The following ZNF490 variants were observed in gnomAD, a reference collection of about 807,000 sequenced individuals.
The protein encoded by ZNF490 is zinc finger protein 490.
In ZNF490, 11 loss-of-function variants were observed where a neutral mutation model predicts 17.7. The ratio of observed to expected loss-of-function variants is 0.62; its 90% CI spans 0.39 to 1.03. ZNF490 has a LOEUF of 1.03. Among genes scored for constraint, ZNF490 ranks in the 50% least tolerant of loss-of-function variants. ZNF490 has a pLI of 0.00. For missense variants in ZNF490, 542 were observed against 643.4 expected (o/e 0.84, Z 1.71); for synonymous variants, 222 against 216.1 (o/e 1.03, Z -0.24).
At chr19:12,595,110 C>T (rs2022915641) in intron 2 of ZNF490, among the ~76,000 whole-genome samples, 1 of 151,874 alleles carries the variant, frequency 6.6e-6, no homozygotes, top group East Asian at 1.9e-4. Flanking sequence ...GTCGGAGAGG[C>T]CTGAAAGCCA....
At chr19:12,602,491 A>G (rs1430273463) in intron 2 of ZNF490, among the ~76,000 whole-genome samples, 1 of 152,166 alleles carries the variant, frequency 6.6e-6, no homozygotes, top group Admixed American at 6.6e-5. Flanking sequence ...CAAAGGTTGC[A>G]GCGAGCCGAG....
chr19:12,598,589 G>C (rs912633410), intron 2 of ZNF490, among the ~76,000 whole-genome samples: 5 of 151,446 alleles, frequency 3.3e-5, no homozygotes, highest in Non-Finnish European at 7.4e-5. Context: ...GGTCAGGCTG[G>C]TCTCGAACTC....
At chr19:12,608,820 C>T (rs1213502679) in intron 2 of ZNF490, among the ~76,000 whole-genome samples, 1 of 151,964 alleles carries the variant, frequency 6.6e-6, no homozygotes, top group African/African-American at 2.4e-5. Flanking sequence ...ACATTGCCCA[C>T]ACTGGTCTCA....
Position 12,581,925 on chromosome 19 carries a change from T to A in ZNF490, c.351-201A>T, listed in dbSNP as rs916017573. Among the ~76,000 whole-genome samples the A allele has an allele frequency of 4.6e-5, 7 of 151,936 alleles. No homozygotes were observed. The East Asian group carries it at 5.8e-4, about 13-fold the overall frequency. On this transcript the variant is annotated intron_variant, in intron 4 of 4. Coordinates refer to ENST00000311437, the MANE Select transcript of ZNF490 (RefSeq NM_020714.3). ...TATTATCAAAATAGTTAAAAAAAAA[T>A]TATTATTATTATTTTTGAGACGGAG...
intron 2 of ZNF490, among the ~76,000 whole-genome samples, chr19:12,588,619 C>A (rs1225731844): frequency 6.6e-6 from 1 of 152,186 alleles, no homozygotes; most frequent in Non-Finnish European, 1.5e-5. Context: ...ATCAAAACAA[C>A]TGGACTTAAT....
At chr19:12,604,598 G>A (rs913004056) in intron 2 of ZNF490, among the ~76,000 whole-genome samples, 1 of 151,880 alleles carries the variant, frequency 6.6e-6, no homozygotes. Context: ...GTAGGCAGAG[G>A]CTGCAGTGAG....
intron 2 of ZNF490, among the ~76,000 whole-genome samples, chr19:12,598,535 C>T (rs1379928577): frequency 6.6e-6 from 1 of 151,246 alleles, no homozygotes; most frequent in African/African-American, 2.4e-5. Flanking sequence ...CCACCACGCC[C>T]GGCTAATTTT....
intron 2 of ZNF490, among the ~76,000 whole-genome samples, chr19:12,590,127 G>A (rs1021546532): frequency 2.0e-5 from 3 of 151,930 alleles, no homozygotes; most frequent in African/African-American, 7.3e-5. Context: ...ATATTGACCA[G>A]GCTGGTCTGG....
chr19:12,604,284 G>A (rs896354610), intron 2 of ZNF490, among the ~76,000 whole-genome samples: 18 of 152,270 alleles, frequency 1.2e-4, no homozygotes, highest in East Asian at 3.9e-4. Context: ...GGGAGGCTGA[G>A]GCAGGTGGAT....
At chr19:12,594,652 T>C (rs1007618612) in intron 2 of ZNF490, among the ~76,000 whole-genome samples, 7 of 152,142 alleles carry the variant, frequency 4.6e-5, no homozygotes, top group South Asian at 2.1e-4. Context: ...TAAAGGACTG[T>C]GTTACCTCCT....
Position 12,581,620 on chromosome 19 carries a change from C to T in ZNF490, c.455G>A (p.Gly152Glu). 6.2e-7 allele frequency: 1 copy of T among 1,614,156 alleles called. No homozygotes were observed. Among genetic ancestry groups the T allele is most frequent in the Non-Finnish European group, 8.5e-7 (1 of 1,180,016 alleles). Residue 152 changes from glycine (G) to glutamate (E), a missense_variant, in exon 5 of 5, where the codon GGA (glycine) becomes GAA (glutamate). Gly to Glu is a moderately conservative substitution (Grantham distance 98). Transcript: ENST00000311437. The part of the protein sequence containing the change: ...DLNTNLETPT[G>E]LKPCDCSVCG... The stretch of plus-strand genomic sequence containing the variant: ...CACACTGCAGTCACATGGTTTTAAT[C>T]CAGTAGGAGTTTCCAGGTTCGTATT...
intron 2 of ZNF490, among the ~76,000 whole-genome samples, chr19:12,603,531 T>A (rs2023030968): frequency 6.6e-6 from 1 of 151,890 alleles, no homozygotes; most frequent in South Asian, 2.1e-4. Flanking sequence ...GGGGCTCACA[T>A]CTGTAATCCC....
Position 12,581,251 on chromosome 19 carries a change from T to C in ZNF490, c.824A>G (p.Glu275Gly). Reference protein sequence around the residue: ...LRRHEKNHTGEKPYKCKQCGK... With the variant: ...LRRHEKNHTGGKPYKCKQCGK... ...ACACTGTTTACATTTGTAGGGTTTCTCTCCAGTGTGATTTTTTTCATGGCG... is the reference window on the plus strand; with the variant it reads ...ACACTGTTTACATTTGTAGGGTTTCCCTCCAGTGTGATTTTTTTCATGGCG... Residue 275 changes from glutamate (E) to glycine (G), a missense_variant, in exon 5 of 5, where the codon GAG becomes GGG. Transcript: ENST00000311437. 3 of 1,614,196 alleles carry C rather than the reference T, an allele frequency of 1.9e-6. No individual in the cohort carries two copies. The highest frequency in any genetic ancestry group is 2.5e-6 in the Non-Finnish European group (3 of 1,180,038).
intron 2 of ZNF490, among the ~76,000 whole-genome samples, chr19:12,596,685 T>C (rs2022937755): frequency 6.6e-6 from 1 of 151,932 alleles, no homozygotes; most frequent in Non-Finnish European, 1.5e-5. Flanking sequence ...ATTCCCAAAC[T>C]TGAGAGCGGT....
At chr19:12,596,264 C>CAAAAAAAAAAA (rs74180082) in intron 2 of ZNF490, among the ~76,000 whole-genome samples, 15 of 93,134 alleles carry the variant, frequency 1.6e-4, no homozygotes, top group Non-Finnish European at 2.5e-4. Context: ...GACTCCGTCT[C>CAAAAAAAAAAA]AAAAAAAAAA....
At chr19:12,605,746 T>C (rs1033099859) in intron 2 of ZNF490, among the ~76,000 whole-genome samples, 2 of 152,298 alleles carry the variant, frequency 1.3e-5, no homozygotes, top group Middle Eastern at 3.4e-3. Context: ...TTGAATTATA[T>C]AGCACACCCA....
At chr19:12,583,791 C>CTATATATATA (rs1267957541) in intron 2 of ZNF490, among the ~76,000 whole-genome samples, 4 of 68,134 alleles carry the variant, frequency 5.9e-5, no homozygotes, top group Non-Finnish European at 7.5e-5. Flanking sequence ...CTCTCTCTCT[C>CTATATATATA]TATATATATA....
Position 12,576,111 on chromosome 19 carries a change from A to C in ZNF490, c.*4374T>G, listed in dbSNP as rs2022630321. On this transcript the variant is annotated 3_prime_UTR_variant, in exon 5 of 5. Coordinates refer to ENST00000311437, the MANE Select transcript of ZNF490 (RefSeq NM_020714.3). ...AACTCAATAAAATCTTTGATGGTGAAAAACCATATTTTTAATATCTAATAT... is the reference window on the plus strand; with the variant it reads ...AACTCAATAAAATCTTTGATGGTGACAAACCATATTTTTAATATCTAATAT... Among the ~76,000 whole-genome samples, 1 of 152,246 alleles carries C rather than the reference A, an allele frequency of 6.6e-6. No individual in the cohort carries two copies. Among genetic ancestry groups the C allele is most frequent in the Non-Finnish European group, 1.5e-5 (1 of 68,048 alleles).
chr19:12,577,841 G>C lies in ZNF490; in HGVS notation c.*2644C>G. 3.0e-6 allele frequency: 3 copies of C among 985,536 alleles called. No individual in the cohort carries two copies. The highest frequency in any genetic ancestry group is 3.6e-6 in the Non-Finnish European group (3 of 830,040). 61.0% of individuals were successfully genotyped at this position (985,536 alleles called of 1,614,324 possible). On this transcript the variant is annotated 3_prime_UTR_variant, in exon 5 of 5. Transcript: ENST00000311437. ...GGATGGTGACCTGGTTTCCCTCAAT[G>C]CTGCCACCTCCCTTCTAAAACACAC...
Sources: allele counts gnomAD v4.1 joint callset (sites outside exome capture counted in the v4.1 genomes callset), GRCh38; gene constraint gnomAD v4.1.1; transcripts MANE v1.5; gene names NCBI Gene and HGNC (gene_info 2026-07-23, HGNC 2026-07-21).